SPATS2: variants seen among roughly 807,000 people sequenced by gnomAD.
SPATS2 encodes spermatogenesis-associated serine-rich protein 2.
SPATS2 carries 38 observed loss-of-function variants against 63.7 expected under a neutral mutation model. The ratio of observed to expected loss-of-function variants is 0.60; its 90% confidence interval spans 0.46 to 0.78. The LOEUF (loss-of-function observed/expected upper bound fraction) is 0.78, where lower values mean the gene tolerates loss of function less well. SPATS2 is among the 30% of genes least tolerant of loss of function. The probability of loss-of-function intolerance (pLI) is 0.00; values close to 1 mark genes in which losing one functional copy is unlikely to be tolerated. For synonymous variants in SPATS2, 207 were observed against 232.9 expected, an observed-to-expected ratio of 0.89 and a Z score of 1.01; for missense variants, 588 against 666.2, an observed-to-expected ratio of 0.88 and a Z score of 1.29.
At chr12:49,424,175 C>A (rs887481979) in intron 2 of SPATS2, among the ~76,000 whole-genome samples, 15 of 152,118 alleles carry the variant, frequency 9.9e-5, no homozygotes, top group Admixed American at 7.2e-4. Context: ...TGCACTCCAG[C>A]CTGGGCAACA....
chr12:49,514,966 A>G (rs1946814163), intron 10 of SPATS2, among the ~76,000 whole-genome samples: 1 of 152,226 alleles, frequency 6.6e-6, no homozygotes, highest in Non-Finnish European at 1.5e-5. Flanking sequence ...TAGCATAATC[A>G]GAGAAGACTT....
At chr12:49,394,340 A>C (rs1040443146) in intron 2 of SPATS2, among the ~76,000 whole-genome samples, 73 of 80,790 alleles carry the variant, frequency 9.0e-4, no homozygotes, top group Non-Finnish European at 1.4e-3. Context: ...CCTTGTCTCC[A>C]AAAAAAAAAA....
intron 2 of SPATS2, among the ~76,000 whole-genome samples, chr12:49,445,168 A>ATTCTTGT (rs1369741028): frequency 6.6e-6 from 1 of 152,090 alleles, no homozygotes; most frequent in Non-Finnish European, 1.5e-5. Context: ...TGAGGTGTGC[A>ATTCTTGT]TTCTTGTTTT....
intron 3 of SPATS2, among the ~76,000 whole-genome samples, chr12:49,467,204 A>G (rs1003511381): frequency 3.5e-5 from 5 of 141,892 alleles, no homozygotes; most frequent in African/African-American, 1.0e-4. Flanking sequence ...CCACACCACC[A>G]TGCCTGGCTA....
Position 49,525,990 on chromosome 12 carries a change from G to A in SPATS2, c.1373G>A (p.Gly458Asp). The A allele has an allele frequency of 6.2e-7, 1 of 1,614,246 alleles. No homozygotes were observed. Among genetic ancestry groups the A allele is most frequent in the South Asian group, 1.1e-5 (1 of 91,086 alleles). ...GGAGGACAGGGCTATAGGCCACAAG[G>A]CCAAAAGTCCAATGACCCCATGAAC... The part of the protein sequence containing the change: ...RRGGQGYRPQ[G>D]QKSNDPMNQG... Residue 458 changes from glycine to aspartate, a missense_variant, in exon 14 of 14, where the codon GGC becomes GAC. Gly to Asp is a moderately conservative substitution (Grantham distance 94). Coordinates refer to ENST00000552918, the MANE Select transcript of SPATS2 (RefSeq NM_023071.4).
chr12:49,399,763 C>T (rs1005717816), intron 2 of SPATS2, among the ~76,000 whole-genome samples: 4 of 152,270 alleles, frequency 2.6e-5, no homozygotes, highest in Non-Finnish European at 4.4e-5. Flanking sequence ...AATGGCCAGG[C>T]GCGGTGGCTC....
At chr12:49,413,182 TGTA>T (rs1403148479) in intron 2 of SPATS2, among the ~76,000 whole-genome samples, 1 of 152,046 alleles carries the variant, frequency 6.6e-6, no homozygotes, top group East Asian at 1.9e-4. Context: ...AGTTCTGTCA[TGTA>T]GTTGTAGTCA....
At chr12:49,412,606 C>T (rs887494487) in intron 2 of SPATS2, among the ~76,000 whole-genome samples, 5 of 151,810 alleles carry the variant, frequency 3.3e-5, no homozygotes, top group African/African-American at 1.2e-4. Context: ...TCAGGCTGGG[C>T]ATGGTGGCTC....
intron 2 of SPATS2, among the ~76,000 whole-genome samples, chr12:49,452,501 A>G (rs1448871179): frequency 2.6e-5 from 4 of 151,790 alleles, no homozygotes; most frequent in Middle Eastern, 3.4e-3. Context: ...CTGGTCTTAT[A>G]CTCCTGGCCT....
chr12:49,436,760 A>C (rs865974748), intron 2 of SPATS2, among the ~76,000 whole-genome samples: 2 of 98,568 alleles, frequency 2.0e-5, no homozygotes, highest in Non-Finnish European at 4.2e-5. Context: ...CTTCCCGGAC[A>C]GGGCGGCTGG....
Position 49,367,523 on chromosome 12 carries a change from C to T in SPATS2, c.-371C>T, listed in dbSNP as rs1041360997. 1.6e-4 allele frequency: 62 copies of T among 397,726 alleles called. No individual in the cohort carries two copies. The highest frequency in any genetic ancestry group is 6.2e-4 in the Middle Eastern group (1 of 1,620). The allele number at this position is 397,726 out of a possible 1,614,324, so 24.6% of individuals were successfully genotyped here. A position where few individuals can be genotyped will look rare whatever the true frequency, so the allele number is the denominator to read the frequency against. ...GGATCTCCTTTCCTCTTCTCAGACC[C>T]GGGAGCGTCCGGGACGCGGAGCCCG... is the stretch of plus-strand genomic sequence containing the variant. On this transcript the variant is annotated 5_prime_UTR_variant, in exon 1 of 14. Transcript: ENST00000552918.
At chr12:49,498,166 A>ATG (rs1319750995) in intron 8 of SPATS2, among the ~76,000 whole-genome samples, 1 of 146,314 alleles carries the variant, frequency 6.8e-6, no homozygotes, top group Non-Finnish European at 1.5e-5. Flanking sequence ...ATATATATAT[A>ATG]TATGCGCACA....
Position 49,389,063 on chromosome 12 carries a change from T to G in SPATS2, c.-244+17773T>G, listed in dbSNP as rs531156853. Among the ~76,000 whole-genome samples, 306 of 152,260 alleles carry G rather than the reference T, an allele frequency of 2.0e-3. 1 individual carries two copies. The highest frequency in any genetic ancestry group is 7.0e-3 in the African/African-American group (290 of 41,536). On this transcript the variant is annotated intron_variant, in intron 2 of 13. Coordinates refer to ENST00000552918, the MANE Select transcript of SPATS2 (RefSeq NM_023071.4). ...TGATTTTTAAGTTGAACATTCTATT[T>G]CTCTGTTTAGTAGTTAACTGTTAAA...
chr12:49,367,953 G>A (rs1445418365), intron 1 of SPATS2, among the ~76,000 whole-genome samples: 1 of 152,212 alleles, frequency 6.6e-6, no homozygotes, highest in African/African-American at 2.4e-5. Context: ...AATTAGGAAT[G>A]CAGTAGGGAT....
chr12:49,389,579 C>G, intron 2 of SPATS2: 1 of 1,038,222 alleles, frequency 9.6e-7, no homozygotes, highest in Non-Finnish European at 1.5e-6. Flanking sequence ...ATTAAGAGAT[C>G]ACGACGATGC....
upstream of SPATS2, chr12:49,367,347 G>A (rs901199433): frequency 3.3e-5 from 13 of 391,076 alleles, 1 homozygote; most frequent in African/African-American, 1.9e-4. Context: ...GAGGGTCGGG[G>A]TGATCTGCTG....
At chr12:49,444,506 A>G (rs1027428291) in intron 2 of SPATS2, among the ~76,000 whole-genome samples, 1 of 152,100 alleles carries the variant, frequency 6.6e-6, no homozygotes. Context: ...GGTGTGAGCC[A>G]TTACACCCAG....
intron 4 of SPATS2, among the ~76,000 whole-genome samples, chr12:49,488,776 G>T (rs1242405082): frequency 6.6e-6 from 1 of 152,080 alleles, no homozygotes; most frequent in Non-Finnish European, 1.5e-5. Flanking sequence ...TTTATGTAGT[G>T]CAAAATAATA....
chr12:49,450,389 G>A (rs1487032902), intron 2 of SPATS2, among the ~76,000 whole-genome samples: 10 of 151,618 alleles, frequency 6.6e-5, no homozygotes, highest in Admixed American at 5.3e-4. Flanking sequence ...GACCACAGGC[G>A]CCCGACACCA....
Sources: gnomAD v4.1 joint callset for allele counts (sites outside exome capture counted in the v4.1 genomes callset) on GRCh38, gnomAD v4.1.1 for gene constraint, MANE v1.5 for transcripts, NCBI Gene and HGNC (gene_info 2026-07-23, HGNC 2026-07-21) for gene names.